TEX11: variants seen among roughly 807,000 people sequenced by gnomAD.
The protein encoded by TEX11 is testis expressed 11, also known as testis-expressed protein 11.
A neutral mutation model predicts 84.4 loss-of-function variants in TEX11; 7 were observed. The observed-to-expected ratio is 0.08, with a 90% CI of 0.05 to 0.16. TEX11 has a LOEUF of 0.16. TEX11 is among the 10% of genes least tolerant of loss of function. The pLI, the probability that TEX11 is intolerant of heterozygous loss-of-function variation, is 1.00. For missense variants in TEX11, 551 were observed against 660.5 expected (o/e 0.83, Z 1.82); for synonymous variants, 264 against 222.8 (o/e 1.18, Z -1.64).
intron 28 of TEX11, among the ~76,000 whole-genome samples, chrX:70,545,770 G>A (rs934731623): frequency 8.9e-6 from 1 of 111,750 alleles, no homozygotes; most frequent in Admixed American, 9.6e-5. Context: ...CCACAAACAT[G>A]TGAGTAATGT....
At chrX:70,730,117 C>T (rs866741108) in intron 11 of TEX11, among the ~76,000 whole-genome samples, 10 of 111,736 alleles carry the variant, frequency 8.9e-5, no homozygotes, top group Admixed American at 2.9e-4. Flanking sequence ...CTGAGAGATT[C>T]TGTCACCACC....
chrX:70,656,686 G>A (rs771708593), intron 16 of TEX11, among the ~76,000 whole-genome samples: 1 of 111,942 alleles, frequency 8.9e-6, no homozygotes, highest in South Asian at 3.8e-4. Flanking sequence ...AAAAAAGGAA[G>A]TAATAGGGAA....
In TEX11 at chrX:70,827,015, T is replaced by C. The variant is rs985884254; in HGVS notation, c.606+6498A>G. On this transcript the variant is annotated intron_variant, in intron 8 of 29. Transcript: ENST00000374333. ...AGCAATGAAAGTGACTCCTTCCTTCTGCCTAAGTAGAGGGAAGGGAAGAGT... is the reference window on the plus strand; with the variant it reads ...AGCAATGAAAGTGACTCCTTCCTTCCGCCTAAGTAGAGGGAAGGGAAGAGT... Among the ~76,000 whole-genome samples the C allele has an allele frequency of 2.7e-5, 3 of 111,155 alleles. No homozygotes were observed. In the Admixed American group the frequency reaches 2.9e-4, roughly 11 times the overall value.
At position 70,858,065 on chromosome X, in the gene TEX11, G is replaced by A. The variant is rs187404641; in HGVS notation, c.324+2792C>T. ...TTTGGGGATTTGGAGGGAAGAGTGG[G>A]AGGGGGGCAAGGGATAAAAGACTAC... On this transcript the variant is annotated intron_variant, in intron 5 of 29. Coordinates refer to ENST00000374333, the MANE Select transcript of TEX11 (RefSeq NM_031276.3). 5.9e-3 allele frequency among the ~76,000 whole-genome samples: 652 copies of A among 109,709 alleles called. 2 individuals carry two copies. The highest frequency in any genetic ancestry group is 1.0e-2 in the Non-Finnish European group (528 of 52,816).
intron 28 of TEX11, among the ~76,000 whole-genome samples, chrX:70,535,519 G>C (rs769961092): frequency 8.9e-6 from 1 of 111,790 alleles, no homozygotes; most frequent in South Asian, 3.8e-4. Flanking sequence ...GGCCAAGGAG[G>C]GTGAGTTGCT....
At chrX:70,582,718 G>T in intron 25 of TEX11, among the ~76,000 whole-genome samples, 1 of 78,143 alleles carries the variant, frequency 1.3e-5, no homozygotes, top group Non-Finnish European at 2.3e-5. Flanking sequence ...TACCTCCTAT[G>T]TACATTTATT....
intron 2 of TEX11, among the ~76,000 whole-genome samples, chrX:70,888,702 A>T (rs1253589486): frequency 8.9e-6 from 1 of 111,975 alleles, no homozygotes; most frequent in East Asian, 2.8e-4. Flanking sequence ...ACTTAGAGAA[A>T]GATATCAATA....
intron 16 of TEX11, among the ~76,000 whole-genome samples, chrX:70,655,370 A>T (rs950534553): frequency 1.8e-5 from 2 of 111,498 alleles, no homozygotes; most frequent in South Asian, 7.6e-4. Flanking sequence ...GCTCCTTACA[A>T]CTTATGACAG....
chrX:70,723,871 CAG>C (rs927346007), intron 12 of TEX11, among the ~76,000 whole-genome samples: 1 of 111,481 alleles, frequency 9.0e-6, no homozygotes, highest in Non-Finnish European at 1.9e-5. Flanking sequence ...AAGCAACAAA[CAG>C]AATATAAAAA....
intron 13 of TEX11, among the ~76,000 whole-genome samples, chrX:70,705,497 G>T (rs1225090620): frequency 9.0e-6 from 1 of 111,510 alleles, no homozygotes; most frequent in Admixed American, 9.6e-5. Flanking sequence ...CACAGCAAAA[G>T]AAACTACCAT....
intron 2 of TEX11, among the ~76,000 whole-genome samples, chrX:70,884,556 T>C (rs758335695): frequency 7.2e-5 from 8 of 111,606 alleles, no homozygotes; most frequent in Non-Finnish European, 1.3e-4. Context: ...GGCAAACAGG[T>C]TTAGTCATAG....
At chrX:70,640,607 C>A (rs1463377702) in intron 17 of TEX11, among the ~76,000 whole-genome samples, 2 of 109,382 alleles carry the variant, frequency 1.8e-5, no homozygotes, top group African/African-American at 6.6e-5. Flanking sequence ...AGAGTGGGGA[C>A]CAATATTCAA....
At chrX:70,612,701 T>C (rs1176392771) in intron 20 of TEX11, among the ~76,000 whole-genome samples, 1 of 111,096 alleles carries the variant, frequency 9.0e-6, no homozygotes, top group Non-Finnish European at 1.9e-5. Context: ...ACAAAAGGTG[T>C]AACATATGTG....
At chrX:70,874,377 T>C (rs2091644696) in intron 3 of TEX11, among the ~76,000 whole-genome samples, 1 of 105,345 alleles carries the variant, frequency 9.5e-6, no homozygotes, top group Admixed American at 1.1e-4. Flanking sequence ...ATGCCACAGT[T>C]GATCAAATGA....
At chrX:70,693,590 G>A (rs1222500150) in intron 13 of TEX11, among the ~76,000 whole-genome samples, 1 of 111,413 alleles carries the variant, frequency 9.0e-6, no homozygotes, top group South Asian at 3.8e-4. Flanking sequence ...TAGAATGGTG[G>A]TCACCAAGGG....
At chrX:70,864,878 C>A (rs1265066574) in intron 4 of TEX11, among the ~76,000 whole-genome samples, 2 of 110,523 alleles carry the variant, frequency 1.8e-5, no homozygotes, top group South Asian at 3.9e-4. Context: ...GCCTGCCTTA[C>A]AAGAGCTCCT....
At chrX:70,779,216 A>T (rs1470337747) in intron 9 of TEX11, among the ~76,000 whole-genome samples, 2 of 110,010 alleles carry the variant, frequency 1.8e-5, no homozygotes, top group African/African-American at 3.3e-5. Context: ...GGAGTTCTAG[A>T]CCAGCCTGGC....
chrX:70,644,059 TCAAA>T (rs2089704329), intron 17 of TEX11, among the ~76,000 whole-genome samples: 1 of 101,637 alleles, frequency 9.8e-6, no homozygotes, highest in Admixed American at 1.1e-4. Flanking sequence ...TACAATGAAC[TCAAA>T]CAAATTTACA....
At chrX:70,554,484 A>G (rs182567334) in intron 26 of TEX11, among the ~76,000 whole-genome samples, 167 bp downstream of exon 26, 7 of 111,898 alleles carry the variant, frequency 6.3e-5, no homozygotes, top group African/African-American at 1.9e-4. Context: ...TGCACAAATG[A>G]TCATAATACA....
Sources: gnomAD v4.1 joint callset for allele counts (sites outside exome capture counted in the v4.1 genomes callset) on GRCh38, gnomAD v4.1.1 for gene constraint, MANE v1.5 for transcripts, NCBI Gene and HGNC (gene_info 2026-07-23, HGNC 2026-07-21) for gene names.